The following CLEC4D variants were observed in gnomAD, a reference collection of about 807,000 sequenced individuals.
The protein encoded by CLEC4D is C-type (calcium dependent, carbohydrate-recognition domain) lectin, superfamily member 8.
Under a neutral mutation model 21.1 loss-of-function variants are expected in CLEC4D, and 21 were observed. The observed-to-expected ratio is 1.00, with a 90% CI of 0.71 to 1.43. The LOEUF is 1.43. Among genes scored for constraint, CLEC4D ranks in the 40% most tolerant of loss-of-function variants. CLEC4D has a pLI of 0.00. For missense variants in CLEC4D, 289 were observed against 260.7 expected, an observed-to-expected ratio of 1.11 and a Z score of -0.75; for synonymous variants, 85 against 83.1, an observed-to-expected ratio of 1.02 and a Z score of -0.12.
intron 2 of CLEC4D, 145 bp from the exon 3 acceptor site, chr12:8,518,019 T>C: frequency 2.0e-6 from 1 of 496,744 alleles, no homozygotes; most frequent in Non-Finnish European, 3.7e-6. Context: ...CACCTGGAGC[T>C]GAAACAAACA....
chr12:8,521,355 A>C lies in CLEC4D; in HGVS notation c.*84A>C. The C allele has an allele frequency of 6.6e-7, 1 of 1,517,830 alleles. No homozygotes were observed. Among genetic ancestry groups the C allele is most frequent in the Non-Finnish European group, 8.8e-7 (1 of 1,139,992 alleles). The allele number at this position is 1,517,830 out of a possible 1,614,324, so 94.0% of individuals were successfully genotyped here. On this transcript the variant is annotated 3_prime_UTR_variant, in exon 6 of 6. Coordinates refer to ENST00000299665, the MANE Select transcript of CLEC4D (RefSeq NM_080387.5). ...CAGAATGTACGTGCGTCATTGGAAC[A>C]CAGAAAACATGCTGGTTCATACAGC... is the stretch of plus-strand genomic sequence containing the variant.
At position 8,521,450 on chromosome 12, in the gene CLEC4D, G is replaced by T; in HGVS notation, c.*179G>T. The stretch of plus-strand genomic sequence containing the variant: ...AGACAACATGTGTGTATGTGTGTGT[G>T]TGTGTGTGTAGATAATGTGGTTTTT... On this transcript the variant is annotated 3_prime_UTR_variant, in exon 6 of 6. Coordinates refer to ENST00000299665, the MANE Select transcript of CLEC4D (RefSeq NM_080387.5). 1 of 1,289,068 alleles carries T rather than the reference G, an allele frequency of 7.8e-7. No homozygotes were observed. Among genetic ancestry groups the T allele is most frequent in the Non-Finnish European group, 1.0e-6 (1 of 993,106 alleles). The allele number at this position is 1,289,068 out of a possible 1,614,324, so 79.9% of individuals were successfully genotyped here. A position where few individuals can be genotyped will look rare whatever the true frequency, so the allele number is the denominator to read the frequency against.
chr12:8,515,138 T>C, intron 1 of CLEC4D, 98 bp from the exon 2 acceptor site: 2 of 676,518 alleles, frequency 3.0e-6, no homozygotes, highest in South Asian at 1.8e-5. Flanking sequence ...ATCTGAAATA[T>C]TTGGTTTGCT....
chr12:8,530,892 C>G, the CLEC4D span, among the ~76,000 whole-genome samples: 1 of 151,972 alleles, frequency 6.6e-6, no homozygotes. Context: ...TCTAAGATAC[C>G]CAAGAGTAAA....
At chr12:8,518,501 C>T (rs1349063544) in intron 3 of CLEC4D, among the ~76,000 whole-genome samples, 1 of 152,132 alleles carries the variant, frequency 6.6e-6, no homozygotes, top group African/African-American at 2.4e-5. Context: ...TTTTTGACAT[C>T]CAAAACATAA....
chr12:8,519,263 T>C (rs777528621), intron 4 of CLEC4D, 103 bp downstream of exon 4: 1 of 1,412,914 alleles, frequency 7.1e-7, no homozygotes, highest in African/African-American at 1.5e-5. Context: ...TTTCATCTGC[T>C]CCATCTGCCT....
chr12:8,524,246 T>G (rs935870373), downstream of CLEC4D, among the ~76,000 whole-genome samples: 1 of 152,138 alleles, frequency 6.6e-6, no homozygotes, highest in Non-Finnish European at 1.5e-5. Context: ...CCTTTTCAAT[T>G]GTTTGGAATA....
In CLEC4D at chr12:8,513,707, C is replaced by T; in HGVS notation, c.-26C>T. On this transcript the variant is annotated 5_prime_UTR_variant, in exon 1 of 6. Coordinates refer to ENST00000299665, the MANE Select transcript of CLEC4D (RefSeq NM_080387.5). ...ATAGAACAAATTCTTGCCGTCCTGACCATTGAACAAGAGACTAATTAGACA... is the reference window on the plus strand; with the variant it reads ...ATAGAACAAATTCTTGCCGTCCTGATCATTGAACAAGAGACTAATTAGACA... The T allele has an allele frequency of 9.9e-7, 1 of 1,012,272 alleles. No homozygotes were observed. The highest frequency in any genetic ancestry group is 1.3e-5 in the South Asian group (1 of 78,480). The allele number at this position is 1,012,272 out of a possible 1,614,324, so 62.7% of individuals were successfully genotyped here.
At chr12:8,526,607 G>T (rs1376005093), downstream of CLEC4D, among the ~76,000 whole-genome samples, 2 of 152,084 alleles carry the variant, frequency 1.3e-5, no homozygotes, top group Non-Finnish European at 2.9e-5. Context: ...AAGGTTCTTA[G>T]CTTCTTTGCA....
downstream of CLEC4D, among the ~76,000 whole-genome samples, chr12:8,523,610 G>C (rs749524656): frequency 3.0e-4 from 45 of 152,152 alleles, no homozygotes; most frequent in South Asian, 9.3e-3. Flanking sequence ...GAGATGATGG[G>C]GTTTTCTAAA....
chr12:8,516,628 T>A (rs2136384914), intron 2 of CLEC4D, among the ~76,000 whole-genome samples: 1 of 152,322 alleles, frequency 6.6e-6, no homozygotes, highest in South Asian at 2.1e-4. Flanking sequence ...ATGGAGCAAA[T>A]GGACCTCTAG....
At chr12:8,519,334 A>G (rs756933255) in intron 4 of CLEC4D, among the ~76,000 whole-genome samples, 174 bp downstream of exon 4, 3 of 151,988 alleles carry the variant, frequency 2.0e-5, no homozygotes, top group Admixed American at 6.5e-5. Flanking sequence ...TGGTCTTTCT[A>G]TATTTGATTC....
chr12:8,528,535 T>C, the CLEC4D span, among the ~76,000 whole-genome samples: 1 of 152,244 alleles, frequency 6.6e-6, no homozygotes, highest in African/African-American at 2.4e-5. Flanking sequence ...TGAACTCTCA[T>C]GGCACCTCAT....
downstream of CLEC4D, among the ~76,000 whole-genome samples, chr12:8,527,021 C>G (rs12297600): frequency 0.27 from 41,154 of 151,706 alleles, 6,407 homozygotes; most frequent in African/African-American, 0.44. Context: ...CCCGTGCTTG[C>G]AGATGTCACT....
chr12:8,524,881 A>G (rs1238865945), downstream of CLEC4D, among the ~76,000 whole-genome samples: 1 of 152,118 alleles, frequency 6.6e-6, no homozygotes, highest in Non-Finnish European at 1.5e-5. Context: ...TGTGTCCCAG[A>G]GATTCTGGTA....
intron 1 of CLEC4D, among the ~76,000 whole-genome samples, chr12:8,514,785 A>C (rs1403475184): frequency 6.6e-6 from 1 of 152,128 alleles, no homozygotes; most frequent in South Asian, 2.1e-4. Flanking sequence ...GTGGCTATTT[A>C]TAACTTCAGC....
At chr12:8,520,109 C>A in intron 4 of CLEC4D, 117 bp from the exon 5 acceptor site, 2 of 1,434,214 alleles carry the variant, frequency 1.4e-6, no homozygotes, top group South Asian at 2.8e-5. Flanking sequence ...ACAGATCTAT[C>A]TGATGCCAGA....
intron 3 of CLEC4D, among the ~76,000 whole-genome samples, chr12:8,518,723 T>C (rs1311261702): frequency 6.6e-6 from 1 of 152,240 alleles, no homozygotes; most frequent in Non-Finnish European, 1.5e-5. Context: ...GGAAACACTT[T>C]AAATGTGCAA....
intron 2 of CLEC4D, among the ~76,000 whole-genome samples, chr12:8,516,448 T>C (rs1940382748): frequency 6.6e-6 from 1 of 152,208 alleles, no homozygotes; most frequent in Non-Finnish European, 1.5e-5. Flanking sequence ...AAGTCTTAAA[T>C]AGGTACTAAA....
Sources: allele counts gnomAD v4.1 joint callset (sites outside exome capture counted in the v4.1 genomes callset), GRCh38; gene constraint gnomAD v4.1.1; transcripts MANE v1.5; gene names NCBI Gene and HGNC (gene_info 2026-07-23, HGNC 2026-07-21).